Variants in PITPNC1 observed in about 807,000 individuals in gnomAD.
The protein encoded by PITPNC1 is cytoplasmic phosphatidylinositol transfer protein 1.
A neutral mutation model predicts 44.7 loss-of-function variants in PITPNC1; 18 were observed. The ratio of observed to expected loss-of-function variants is 0.40; its 90% CI spans 0.28 to 0.60. PITPNC1 has a LOEUF of 0.60. Ranked by LOEUF, PITPNC1 falls within the 20% of genes least tolerant of loss-of-function variation. The pLI, the probability that PITPNC1 is intolerant of heterozygous loss-of-function variation, is 0.39. For missense variants in PITPNC1, 290 were observed against 418.4 expected (o/e 0.69, Z 2.68); for synonymous variants, 141 against 149.6 (o/e 0.94, Z 0.42).
intron 1 of PITPNC1, among the ~76,000 whole-genome samples, chr17:67,446,779 A>G (rs956689926): frequency 6.6e-6 from 1 of 151,712 alleles, no homozygotes; most frequent in African/African-American, 2.4e-5. Flanking sequence ...GCCATAACCG[A>G]AGCACATCCT....
At chr17:67,543,450 C>A (rs563267533) in intron 2 of PITPNC1, among the ~76,000 whole-genome samples, 4 of 152,288 alleles carry the variant, frequency 2.6e-5, no homozygotes, top group African/African-American at 9.6e-5. Context: ...AATAGGGCTC[C>A]AATTTCTCCA....
rs1370968492 is a variant in PITPNC1 at position 67,579,900 on chromosome 17, A to G, written c.366+1643A>G. Among the ~76,000 whole-genome samples, 6 of 151,966 alleles carry G rather than the reference A, an allele frequency of 3.9e-5. No individual in the cohort carries two copies. In the East Asian group the frequency reaches 1.2e-3, roughly 29 times the overall value. On this transcript the variant is annotated intron_variant, in intron 5 of 8. Transcript: ENST00000581322. ...GGTTGCAGTGAGCGCAGATCGCGCC[A>G]CTGCACTCCAGCCTGGCAACAGAGC... is the stretch of plus-strand genomic sequence containing the variant.
chr17:67,678,771 A>G (rs1459378645), intron 8 of PITPNC1, among the ~76,000 whole-genome samples: 1 of 152,160 alleles, frequency 6.6e-6, no homozygotes, highest in Admixed American at 6.5e-5. Context: ...GCCCACCAGC[A>G]TTACCCTTCC....
At chr17:67,412,792 C>G (rs2143847113) in intron 1 of PITPNC1, among the ~76,000 whole-genome samples, 1 of 152,322 alleles carries the variant, frequency 6.6e-6, no homozygotes, top group African/African-American at 2.4e-5. Context: ...TCTTGAGCTC[C>G]TGAGCTCAGG....
In PITPNC1 at chr17:67,547,937, C is replaced by G. The variant is rs147284976; in HGVS notation, c.198-4320C>G. 3.5e-3 allele frequency among the ~76,000 whole-genome samples: 535 copies of G among 152,284 alleles called. 2 individuals carry two copies. Among genetic ancestry groups the G allele is most frequent in the Non-Finnish European group, 5.3e-3 (358 of 68,018 alleles). ...ACCTTGTTGCTGCTGATGCTTTGGG[C>G]TGGATCTTTATTTGCTGTGGTGGTG... On this transcript the variant is annotated intron_variant, in intron 2 of 8. Coordinates refer to ENST00000581322, the MANE Select transcript of PITPNC1 (RefSeq NM_012417.4).
intron 4 of PITPNC1, among the ~76,000 whole-genome samples, chr17:67,567,604 G>A (rs921564304): frequency 5.9e-5 from 9 of 152,246 alleles, no homozygotes; most frequent in African/African-American, 1.9e-4. Context: ...TGGGGTAGCC[G>A]TCTGGAAGTT....
At chr17:67,606,588 C>G (rs1371027454) in intron 5 of PITPNC1, among the ~76,000 whole-genome samples, 1 of 152,188 alleles carries the variant, frequency 6.6e-6, no homozygotes, top group Non-Finnish European at 1.5e-5. Flanking sequence ...AAGGCTGTGT[C>G]TCCATCTCAG....
At chr17:67,618,151 G>A (rs539038043) in intron 5 of PITPNC1, among the ~76,000 whole-genome samples, 479 of 152,118 alleles carry the variant, frequency 3.1e-3, no homozygotes, top group Non-Finnish European at 5.2e-3. Flanking sequence ...ATCACTTAAG[G>A]TCAGGAATTC....
rs2040752051 is a variant in PITPNC1 at position 67,550,870 on chromosome 17, G to T, written c.198-1387G>T. Among the ~76,000 whole-genome samples, 3 of 152,140 alleles carry T rather than the reference G, an allele frequency of 2.0e-5. 1 individual carries two copies. The highest frequency in any genetic ancestry group is 1.3e-4 in the Admixed American group (2 of 15,282). ...AGGTCAGGAGATCGAGACCATCCTG[G>T]CTAATACGGTGAAACCCCGTCTCTA... is the stretch of plus-strand genomic sequence containing the variant. On this transcript the variant is annotated intron_variant, in intron 2 of 8. Coordinates refer to ENST00000581322, the MANE Select transcript of PITPNC1 (RefSeq NM_012417.4).
chr17:67,661,200 G>A (rs762225258), intron 6 of PITPNC1, among the ~76,000 whole-genome samples: 4 of 151,818 alleles, frequency 2.6e-5, no homozygotes, highest in Admixed American at 6.6e-5. Context: ...ATATGATTTC[G>A]GTGGTGGTTT....
chr17:67,567,266 A>G (rs1261354012), intron 4 of PITPNC1, among the ~76,000 whole-genome samples: 1 of 152,010 alleles, frequency 6.6e-6, no homozygotes, highest in Non-Finnish European at 1.5e-5. Context: ...CAGGCGGATC[A>G]TGAGGTCAGG....
intron 1 of PITPNC1, among the ~76,000 whole-genome samples, chr17:67,523,035 T>G (rs2040348201): frequency 6.6e-6 from 1 of 152,120 alleles, no homozygotes; most frequent in East Asian, 1.9e-4. Context: ...TGCAAAACCA[T>G]CATCACCATC....
chr17:67,534,030 G>T (rs1007428255), intron 2 of PITPNC1, among the ~76,000 whole-genome samples: 1 of 151,962 alleles, frequency 6.6e-6, no homozygotes, highest in Non-Finnish European at 1.5e-5. Context: ...GAGTAGCTGG[G>T]ATTACAGGTA....
rs372775205 is a variant in PITPNC1, at chr17:67,660,766, G to A, written c.463-8742G>A. On this transcript the variant is annotated intron_variant, in intron 6 of 8. Transcript: ENST00000581322. ...TCAACATGTTGGCCAGGCTGGTCTC[G>A]AACTCCTGGCCTCAAGCAATCCACT... Among the ~76,000 whole-genome samples, 39 of 149,228 alleles carry A rather than the reference G, an allele frequency of 2.6e-4. No individual in the cohort carries two copies. In the East Asian group the frequency reaches 6.4e-3, roughly 25 times the overall value.
intron 1 of PITPNC1, among the ~76,000 whole-genome samples, chr17:67,449,834 T>A (rs1008878245): frequency 2.6e-5 from 4 of 152,232 alleles, no homozygotes; most frequent in African/African-American, 9.6e-5. Context: ...AACAAACTCT[T>A]TTTCTGTTAG....
At chr17:67,506,230 A>G (rs1181931216) in intron 1 of PITPNC1, among the ~76,000 whole-genome samples, 1 of 152,244 alleles carries the variant, frequency 6.6e-6, no homozygotes, top group African/African-American at 2.4e-5. Flanking sequence ...TAATGTGAAG[A>G]GACACTGCTG....
chr17:67,517,731 A>C (rs1380326083), intron 1 of PITPNC1, among the ~76,000 whole-genome samples: 1 of 152,214 alleles, frequency 6.6e-6, no homozygotes, highest in Non-Finnish European at 1.5e-5. Flanking sequence ...AAGGTAACTT[A>C]GTGGTTGCTG....
rs186775608 is a variant in PITPNC1, at chr17:67,459,016, T to C, written c.49-73786T>C. Among the ~76,000 whole-genome samples the C allele has an allele frequency of 3.1e-4, 47 of 152,002 alleles. 1 individual carries two copies. In the East Asian group the frequency reaches 8.1e-3, roughly 26 times the overall value. ...ACACAAAATTGTTCTCCTAGACCCC[T>C]GTACCAGGGGATGATTTTTCCCCCT... On this transcript the variant is annotated intron_variant, in intron 1 of 8. Transcript: ENST00000581322.
intron 4 of PITPNC1, among the ~76,000 whole-genome samples, chr17:67,562,477 C>A (rs1419794574): frequency 1.3e-5 from 2 of 151,764 alleles, no homozygotes; most frequent in Admixed American, 6.6e-5. Flanking sequence ...TCTGATTCAT[C>A]CTCATCTCTA....
Sources: gnomAD v4.1 joint callset for allele counts (sites outside exome capture counted in the v4.1 genomes callset) on GRCh38, gnomAD v4.1.1 for gene constraint, MANE v1.5 for transcripts, NCBI Gene and HGNC (gene_info 2026-07-23, HGNC 2026-07-21) for gene names.